Variants in MED12L observed in about 807,000 individuals in gnomAD.
MED12L encodes the protein mediator complex subunit 12L.
MED12L carries 60 observed loss-of-function variants against 281.3 expected under a neutral mutation model. The ratio of observed to expected loss-of-function variants is 0.21; its 90% confidence interval spans 0.17 to 0.26. The LOEUF is 0.26. Among genes scored for constraint, MED12L ranks in the 10% least tolerant of loss-of-function variants. MED12L has a pLI of 1.00. For missense variants in MED12L, 2,146 were observed against 2,680.9 expected (o/e 0.80, Z 4.41); for synonymous variants, 974 against 987.2 (o/e 0.99, Z 0.25).
At chr3:151,254,833 T>C (rs574906356) in intron 16 of MED12L, among the ~76,000 whole-genome samples, 29 of 152,360 alleles carry the variant, frequency 1.9e-4, no homozygotes, top group African/African-American at 6.7e-4. Flanking sequence ...TTTTGGCAGG[T>C]TGCAATTATT....
At chr3:151,141,690 A>G (rs1215857400) in intron 5 of MED12L, among the ~76,000 whole-genome samples, 2 of 152,200 alleles carry the variant, frequency 1.3e-5, no homozygotes, top group African/African-American at 4.8e-5. Context: ...TTTGGATCTT[A>G]AGTAGTTCTT....
At position 151,353,500 on chromosome 3, in the gene MED12L, T is replaced by C. The variant is rs148169026; in HGVS notation, c.2399-1621T>C. Among the ~76,000 whole-genome samples, 149 of 152,360 alleles carry C rather than the reference T, an allele frequency of 9.8e-4. 1 individual carries two copies. The East Asian group carries it at 0.021, about 22-fold the overall frequency. ...AAAAGTGGCACAAGCTTGTAACTTATGTTACCCCAGCACCTTTAAATTCTG... is the reference window on the plus strand; with the variant it reads ...AAAAGTGGCACAAGCTTGTAACTTACGTTACCCCAGCACCTTTAAATTCTG... On this transcript the variant is annotated intron_variant, in intron 17 of 44. Transcript: ENST00000687756.
rs964218651 is a variant in MED12L at position 151,382,684 on chromosome 3, A to G, written c.4619A>G (p.Tyr1540Cys). ...QILSNWREER[Y>C]QDDIKARQMM... The stretch of plus-strand genomic sequence containing the variant: ...TTAAGTAACTGGAGAGAAGAACGAT[A>G]CCAAGATGACATAAAAGCGCGGCAG... Residue 1540 changes from tyrosine (Y) to cysteine (C), a missense_variant, in exon 33 of 45, where the codon TAC becomes TGC. This residue lies in a region of MED12L where 212 missense variants were observed against 340.8 expected (regional missense o/e 0.62). Transcript: ENST00000687756. The G allele has an allele frequency of 8.7e-6, 14 of 1,612,246 alleles. No individual in the cohort carries two copies. The highest frequency in any genetic ancestry group is 1.2e-5 in the Non-Finnish European group (14 of 1,179,192).
intron 27 of MED12L, 34 bp downstream of exon 27, chr3:151,372,800 A>T: frequency 1.3e-6 from 2 of 1,556,828 alleles, no homozygotes; most frequent in Non-Finnish European, 1.8e-6. Flanking sequence ...TACTTTGAGT[A>T]CGTAACTCTT....
intron 25 of MED12L, 87 bp from the exon 26 acceptor site, chr3:151,369,349 A>G (rs3821662): frequency 0.055 from 48,332 of 882,430 alleles, 2,480 homozygotes; most frequent in Middle Eastern, 0.21. Context: ...CCCACAGTCT[A>G]ACAATGAAAG....
chr3:151,163,968 T>A lies in MED12L; in HGVS notation c.1183T>A (p.Ser395Thr). The change falls in exon 9 of 45, where the codon TCA becomes ACA. Residue 395 changes from serine (S) to threonine (T), a missense_variant. Ser to Thr is a moderately conservative substitution (Grantham distance 58). Around this residue, in one of 9 missense-constraint regions of MED12L, gnomAD observed 722 missense variants for 861.2 expected, o/e 0.84. Transcript: ENST00000687756. ...TNENKSANPG[S>T]PLDLLQVAPS... is the part of the protein sequence containing the mutation. ...TGAAAATAAGAGCGCAAACCCAGGC[T>A]CACCCCTGGATCTGCTGCAGGTGGC... The A allele has an allele frequency of 6.2e-7, 1 of 1,613,866 alleles. No individual in the cohort carries two copies. The highest frequency in any genetic ancestry group is 8.5e-7 in the Non-Finnish European group (1 of 1,179,850).
chr3:151,268,617 A>G (rs1203782994), intron 16 of MED12L, among the ~76,000 whole-genome samples: 1 of 152,144 alleles, frequency 6.6e-6, no homozygotes, highest in African/African-American at 2.4e-5. Flanking sequence ...GTTCATTCCC[A>G]TTAGTGGTTT....
chr3:151,371,120 G>A (rs1756130586), intron 26 of MED12L, among the ~76,000 whole-genome samples: 1 of 152,160 alleles, frequency 6.6e-6, no homozygotes, highest in African/African-American at 2.4e-5. Context: ...TATGGGGCTA[G>A]CAGGTACTGT....
intron 16 of MED12L, chr3:151,198,728 T>C (rs766653344): frequency 6.2e-7 from 1 of 1,611,574 alleles, no homozygotes; most frequent in Non-Finnish European, 8.5e-7. Flanking sequence ...GATGAGAGCC[T>C]TTTTCACATT....
chr3:151,300,443 A>G (rs912641719), intron 16 of MED12L, among the ~76,000 whole-genome samples: 2 of 152,122 alleles, frequency 1.3e-5, no homozygotes, highest in Non-Finnish European at 2.9e-5. Flanking sequence ...CAACATCTTA[A>G]TAAAGGTTAG....
chr3:151,364,954 T>C lies in MED12L; in HGVS notation c.2958-25T>C, dbSNP rs370265513. On this transcript the variant is annotated intron_variant, in intron 21 of 44. Coordinates refer to ENST00000687756, the MANE Select transcript of MED12L (RefSeq NM_001393769.1). ...GTTATTCTAGTTTTATTTTTCTGTT[T>C]TAACTTTTTTTCTTATAACCTCAGT... is the stretch of plus-strand genomic sequence containing the variant. The C allele has an allele frequency of 2.5e-5, 38 of 1,535,230 alleles. No homozygotes were observed. The African/African-American group carries it at 4.9e-4, about 20-fold the overall frequency.
At chr3:151,141,168 TTTTTTTTTTG>T (rs1716889071) in intron 5 of MED12L, among the ~76,000 whole-genome samples, 1 of 126,580 alleles carries the variant, frequency 7.9e-6, no homozygotes, top group African/African-American at 3.6e-5. Context: ...TGCCTGGCGT[TTTTTTTTTTG>T]TTTTTTTTGT....
chr3:151,231,471 TTTAG>T (rs527466332), intron 16 of MED12L, among the ~76,000 whole-genome samples: 244 of 152,324 alleles, frequency 1.6e-3, no homozygotes, highest in African/African-American at 5.7e-3. Context: ...CCTGATATGA[TTTAG>T]TTAGATGTAC....
intron 2 of MED12L, among the ~76,000 whole-genome samples, chr3:151,089,321 C>G (rs760089101): frequency 6.6e-6 from 1 of 151,762 alleles, no homozygotes; most frequent in Non-Finnish European, 1.5e-5. Context: ...ATCTGTGTAT[C>G]GAAAACAACA....
At chr3:151,142,043 A>G (rs1300457427) in intron 5 of MED12L, among the ~76,000 whole-genome samples, 1 of 152,242 alleles carries the variant, frequency 6.6e-6, no homozygotes, top group Non-Finnish European at 1.5e-5. Context: ...GGAAGATAGT[A>G]TACTACAAAA....
chr3:151,198,827 A>G (rs2149135286), intron 16 of MED12L: 1 of 1,613,354 alleles, frequency 6.2e-7, no homozygotes, highest in East Asian at 2.2e-5. Context: ...ATTTAAAAAT[A>G]TTGCTACACA....
At chr3:151,254,087 TG>T (rs1214017216) in intron 16 of MED12L, among the ~76,000 whole-genome samples, 3 of 151,758 alleles carry the variant, frequency 2.0e-5, no homozygotes, top group East Asian at 3.9e-4. Flanking sequence ...AAACATATAA[TG>T]AAAAAAATAG....
At chr3:151,318,733 A>G (rs530497829) in intron 16 of MED12L, among the ~76,000 whole-genome samples, 3 of 151,992 alleles carry the variant, frequency 2.0e-5, no homozygotes, top group African/African-American at 7.3e-5. Flanking sequence ...AAGACCTTTT[A>G]AAAAAAAGAG....
intron 5 of MED12L, among the ~76,000 whole-genome samples, chr3:151,155,930 G>T (rs897357842): frequency 1.3e-5 from 2 of 152,238 alleles, no homozygotes; most frequent in African/African-American, 4.8e-5. Context: ...CTGTTTCTCC[G>T]AGAGCTGGCT....
Sources: gnomAD v4.1 joint callset for allele counts (sites outside exome capture counted in the v4.1 genomes callset) on GRCh38, gnomAD v4.1.1 for gene constraint, gnomAD v4.1.1 regional missense constraint, MANE v1.5 for transcripts, NCBI Gene and HGNC (gene_info 2026-07-23, HGNC 2026-07-21) for gene names.